Variants in KAZN observed in about 807,000 individuals in gnomAD.
KAZN encodes the protein kazrin, periplakin interacting protein.
In KAZN, 40 loss-of-function variants were observed where a neutral mutation model predicts 87.4. That is an observed-to-expected ratio of 0.46 (90% CI 0.36 to 0.60). The LOEUF (loss-of-function observed/expected upper bound fraction) is 0.60, where lower values mean the gene tolerates loss of function less well. Ranked by LOEUF, KAZN falls within the 20% of genes least tolerant of loss-of-function variation. The pLI, the probability that KAZN is intolerant of heterozygous loss-of-function variation, is 0.00. For missense variants in KAZN, 898 were observed against 1,073.9 expected (o/e 0.84, Z 2.29); for synonymous variants, 466 against 458.3 (o/e 1.02, Z -0.22).
intron 1 of KAZN, among the ~76,000 whole-genome samples, chr1:14,823,838 G>A (rs1007218952): frequency 6.6e-6 from 1 of 152,216 alleles, no homozygotes; most frequent in Non-Finnish European, 1.5e-5. Flanking sequence ...AGTGGGCCCG[G>A]CGTGGTGGCT....
rs531583063 is a variant in KAZN, at chr1:15,099,813, G to A, written c.1548-1730G>A. ...CAAAGGCAGGAAACGGGGAGCAGCC[G>A]GGGAAAGTGGCAGAAACCCACACCA... On this transcript the variant is annotated intron_variant, in intron 10 of 14. Coordinates refer to ENST00000376030, the MANE Select transcript of KAZN (RefSeq NM_201628.3). This position sits in a 1 kb window ranked among gnomAD's most constrained non-coding sequence, Gnocchi z 5.4. Among the ~76,000 whole-genome samples, 78 of 152,302 alleles carry A rather than the reference G, an allele frequency of 5.1e-4. No homozygotes were observed. The highest frequency in any genetic ancestry group is 1.6e-3 in the African/African-American group (68 of 41,556).
rs572937494 is a variant in KAZN, at chr1:14,262,110, A to G, written c.249+81518A>G. ...AATTTGTATATGAAAAATAAAAGTGAGTTGTTTTTGAATATTAAGAAGTCT... is the reference window on the plus strand; with the variant it reads ...AATTTGTATATGAAAAATAAAAGTGGGTTGTTTTTGAATATTAAGAAGTCT... On this transcript the variant is annotated intron_variant, in intron 2 of 16. Coordinates refer to the KAZN transcript ENST00000636203. 8.1e-4 allele frequency among the ~76,000 whole-genome samples: 124 copies of G among 152,264 alleles called. 2 individuals carry two copies. In the South Asian group the frequency reaches 0.025, roughly 31 times the overall value.
intron 2 of KAZN, among the ~76,000 whole-genome samples, chr1:14,262,169 T>A (rs1651079906): frequency 6.6e-6 from 1 of 152,158 alleles, no homozygotes. Context: ...ATCCCAGCAC[T>A]TTGGGAAGCT....
At chr1:15,049,019 G>T (rs914087783) in intron 4 of KAZN, among the ~76,000 whole-genome samples, 2 of 152,226 alleles carry the variant, frequency 1.3e-5, no homozygotes, top group Non-Finnish European at 2.9e-5. Context: ...TTCATGCGCA[G>T]TCACTCCAGT....
intron 2 of KAZN, among the ~76,000 whole-genome samples, chr1:14,458,959 G>GA (rs1022637225): frequency 2.6e-5 from 4 of 152,124 alleles, no homozygotes; most frequent in African/African-American, 7.2e-5. Context: ...AGCCAACTCT[G>GA]AAAAAATCTC....
chr1:14,092,523 G>A (rs1321313897), intron 1 of KAZN, among the ~76,000 whole-genome samples: 1 of 148,298 alleles, frequency 6.7e-6, no homozygotes, highest in Non-Finnish European at 1.5e-5. Flanking sequence ...GCATGTATGT[G>A]TGTAGGGGTA....
Position 14,793,161 on chromosome 1 carries a change from A to C in KAZN, c.227-167523A>C, listed in dbSNP as rs567365835. ...GGTGGCATGGAGGAGGCAAGGATGG[A>C]GGCAGAGACCAGTTAGGAGGCAACT... On this transcript the variant is annotated intron_variant, in intron 1 of 14. Coordinates refer to ENST00000376030, the MANE Select transcript of KAZN (RefSeq NM_201628.3). 9.2e-5 allele frequency among the ~76,000 whole-genome samples: 14 copies of C among 152,180 alleles called. No individual in the cohort carries two copies. The East Asian group carries it at 1.9e-3, about 21-fold the overall frequency.
chr1:14,312,815 G>A (rs1218126501), intron 2 of KAZN, among the ~76,000 whole-genome samples: 6 of 152,004 alleles, frequency 3.9e-5, no homozygotes, highest in Non-Finnish European at 7.4e-5. Context: ...GGAAATGAGC[G>A]TGACCTCTGG....
At chr1:14,587,840 T>C (rs1305646984) in intron 2 of KAZN, among the ~76,000 whole-genome samples, 2 of 152,172 alleles carry the variant, frequency 1.3e-5, no homozygotes, top group Non-Finnish European at 2.9e-5. Context: ...ATCATTCCCC[T>C]TCTACGCACC....
intron 1 of KAZN, among the ~76,000 whole-genome samples, chr1:13,932,715 G>A (rs1640573329): frequency 6.6e-6 from 1 of 152,344 alleles, no homozygotes; most frequent in South Asian, 2.1e-4. Context: ...AACTCAGGCA[G>A]TCTGGCTTGG....
chr1:14,666,205 C>T (rs964120908), intron 1 of KAZN, among the ~76,000 whole-genome samples: 2 of 151,844 alleles, frequency 1.3e-5, no homozygotes, highest in Non-Finnish European at 2.9e-5. Context: ...GAGAAGATCT[C>T]GTGTGTGGTT....
At chr1:14,255,639 A>G (rs1254193211) in intron 2 of KAZN, among the ~76,000 whole-genome samples, 2 of 152,222 alleles carry the variant, frequency 1.3e-5, no homozygotes, top group Non-Finnish European at 2.9e-5. Context: ...CAGCCAAAAT[A>G]AAAGTTGCAC....
At chr1:13,966,521 C>T (rs1641951353) in intron 1 of KAZN, among the ~76,000 whole-genome samples, 1 of 152,140 alleles carries the variant, frequency 6.6e-6, no homozygotes, top group Non-Finnish European at 1.5e-5. Flanking sequence ...GACAAGGAAG[C>T]CCTGGCTTAG....
intron 2 of KAZN, among the ~76,000 whole-genome samples, chr1:14,472,742 T>C (rs1668521001): frequency 1.3e-5 from 2 of 152,014 alleles, no homozygotes; most frequent in African/African-American, 2.4e-5. Context: ...CTCTGTGAGA[T>C]AGGAATACAG....
intron 1 of KAZN, among the ~76,000 whole-genome samples, chr1:14,780,946 C>T (rs1645315459): frequency 6.6e-6 from 1 of 152,194 alleles, no homozygotes; most frequent in South Asian, 2.1e-4. Context: ...CCCTTCTGCA[C>T]TTGCAGCTGG....
intron 2 of KAZN, among the ~76,000 whole-genome samples, chr1:14,369,473 T>C (rs950159222): frequency 2.0e-5 from 3 of 152,282 alleles, no homozygotes; most frequent in Middle Eastern, 6.8e-3. Flanking sequence ...TGAAATGTGC[T>C]AGCCAAGATT....
intron 1 of KAZN, among the ~76,000 whole-genome samples, chr1:14,670,978 A>T (rs563356705): frequency 1.1e-4 from 16 of 152,310 alleles, no homozygotes; most frequent in Admixed American, 9.2e-4. Flanking sequence ...GAGGCCATAG[A>T]TGATGTCAAA....
chr1:14,027,935 A>T (rs1245422602), intron 1 of KAZN, among the ~76,000 whole-genome samples: 1 of 152,188 alleles, frequency 6.6e-6, no homozygotes, highest in Non-Finnish European at 1.5e-5. Context: ...CAGTGGGTTT[A>T]TCTGGTTCCA....
chr1:14,828,053 C>T (rs1646947832), intron 1 of KAZN, among the ~76,000 whole-genome samples: 1 of 152,220 alleles, frequency 6.6e-6, no homozygotes, highest in East Asian at 1.9e-4. Context: ...CAGGGCATAA[C>T]TCAGCCCTCC....
Sources: allele counts gnomAD v4.1 joint callset (sites outside exome capture counted in the v4.1 genomes callset), GRCh38; gene constraint gnomAD v4.1.1; non-coding constraint Gnocchi (gnomAD v3.1); transcripts MANE v1.5; gene names NCBI Gene and HGNC (gene_info 2026-07-23, HGNC 2026-07-21).